The following DYNC1I1 variants were observed in gnomAD, a reference collection of about 807,000 sequenced individuals.
The protein encoded by DYNC1I1 is dynein cytoplasmic 1 intermediate chain 1, also known as cytoplasmic dynein 1 intermediate chain 1.
Under a neutral mutation model 86.6 loss-of-function variants are expected in DYNC1I1, and 43 were observed. That is an observed-to-expected ratio of 0.50 (90% CI 0.39 to 0.64). The LOEUF is 0.64. Among genes scored for constraint, DYNC1I1 ranks in the 30% least tolerant of loss-of-function variants. The probability of loss-of-function intolerance (pLI) is 0.00; values close to 1 mark genes in which losing one functional copy is unlikely to be tolerated. For missense variants in DYNC1I1, 604 were observed against 788.8 expected, an observed-to-expected ratio of 0.77 and a Z score of 2.81; for synonymous variants, 262 against 283.7, an observed-to-expected ratio of 0.92 and a Z score of 0.77.
intron 14 of DYNC1I1, among the ~76,000 whole-genome samples, chr7:96,073,931 C>T (rs1790247511): frequency 6.6e-6 from 1 of 152,028 alleles, no homozygotes; most frequent in Non-Finnish European, 1.5e-5. Flanking sequence ...TAGGTTTTAT[C>T]GAGAAAGTAG....
rs1275893814 is a variant in DYNC1I1 at position 95,850,064 on chromosome 7, A to T, written c.375-19819A>T. ...TTTTTGTATATTGACTTTTCATCCTACAAGTTAACGGCATTTGTTTATTAT... is the reference window on the plus strand; with the variant it reads ...TTTTTGTATATTGACTTTTCATCCTTCAAGTTAACGGCATTTGTTTATTAT... On this transcript the variant is annotated intron_variant, in intron 5 of 16. Coordinates refer to ENST00000447467, the MANE Select transcript of DYNC1I1 (RefSeq NM_001135556.2). Among the ~76,000 whole-genome samples the T allele has an allele frequency of 2.0e-5, 3 of 150,966 alleles. No homozygotes were observed. The East Asian group carries it at 5.8e-4, about 29-fold the overall frequency.
intron 6 of DYNC1I1, among the ~76,000 whole-genome samples, chr7:95,961,613 G>A (rs192563975): frequency 6.6e-6 from 1 of 152,264 alleles, no homozygotes; most frequent in East Asian, 1.9e-4. Context: ...TGTATAGTAG[G>A]AGGTAATATT....
rs565070344 is a variant in DYNC1I1 at position 95,875,163 on chromosome 7, A to G, written c.490+5165A>G. 2.0e-4 allele frequency among the ~76,000 whole-genome samples: 31 copies of G among 152,342 alleles called. 1 individual carries two copies. The highest frequency in any genetic ancestry group is 8.3e-4 in the South Asian group (4 of 4,820). On this transcript the variant is annotated intron_variant, in intron 6 of 16. Coordinates refer to ENST00000447467, the MANE Select transcript of DYNC1I1 (RefSeq NM_001135556.2). ...GCTTCCCATAATGTTTGGGGATGCT[A>G]TGACTCAACTTTGATCTATTTTTAT... is the stretch of plus-strand genomic sequence containing the variant.
intron 14 of DYNC1I1, among the ~76,000 whole-genome samples, chr7:96,075,853 T>A (rs1276553093): frequency 6.6e-6 from 1 of 152,060 alleles, no homozygotes; most frequent in Non-Finnish European, 1.5e-5. Context: ...ACCAGCCCCT[T>A]GAGAGGCCCC....
intron 5 of DYNC1I1, among the ~76,000 whole-genome samples, chr7:95,852,901 T>TTC (rs1789618476): frequency 6.6e-6 from 1 of 152,236 alleles, no homozygotes; most frequent in African/African-American, 2.4e-5. Flanking sequence ...ATTTAATTTC[T>TTC]TCTTTTTTGA....
chr7:95,790,599 AT>A (rs1794274417), intron 1 of DYNC1I1, among the ~76,000 whole-genome samples: 1 of 152,236 alleles, frequency 6.6e-6, no homozygotes, highest in Non-Finnish European at 1.5e-5. Context: ...CTCAGCTGTT[AT>A]ATTCTTTATC....
At chr7:95,782,954 A>G (rs1213117865) in intron 1 of DYNC1I1, among the ~76,000 whole-genome samples, 1 of 151,768 alleles carries the variant, frequency 6.6e-6, no homozygotes, top group Admixed American at 6.6e-5. Flanking sequence ...CCTCTCTGCC[A>G]CTCTGCCACT....
chr7:96,013,195 G>A (rs1794318885), intron 10 of DYNC1I1, among the ~76,000 whole-genome samples: 1 of 152,104 alleles, frequency 6.6e-6, no homozygotes, highest in South Asian at 2.1e-4. Flanking sequence ...GATGATGGAA[G>A]CAGAATCAGA....
chr7:95,813,419 C>T, intron 4 of DYNC1I1, 82 bp downstream of exon 4: 1 of 1,491,786 alleles, frequency 6.7e-7, no homozygotes, highest in Non-Finnish European at 9.0e-7. Context: ...TGTTAGAATA[C>T]TGTGAAATGT....
At chr7:95,897,640 C>T (rs183195996) in intron 6 of DYNC1I1, among the ~76,000 whole-genome samples, 8 of 152,118 alleles carry the variant, frequency 5.3e-5, no homozygotes, top group South Asian at 4.2e-4. Flanking sequence ...TGTATGGTTG[C>T]GACTTAATTG....
rs772547614 is a variant in DYNC1I1, at chr7:96,014,334, T to C, written c.970-13841T>C. ...CAGAACGTGAGTCTCCTGACTCCCT[T>C]TTCGGTTTTTGCCCCTTCTCCCAGC... On this transcript the variant is annotated intron_variant, in intron 10 of 16. Coordinates refer to ENST00000447467, the MANE Select transcript of DYNC1I1 (RefSeq NM_001135556.2). Among the ~76,000 whole-genome samples the C allele has an allele frequency of 2.4e-4, 36 of 152,172 alleles. 1 individual carries two copies. Among genetic ancestry groups the C allele is most frequent in the Middle Eastern group, 3.2e-3 (1 of 316 alleles).
At chr7:96,099,787 G>A (rs1008565155), downstream of DYNC1I1, among the ~76,000 whole-genome samples, 2 of 152,122 alleles carry the variant, frequency 1.3e-5, no homozygotes, top group African/African-American at 2.4e-5. Flanking sequence ...ATGAATTTGG[G>A]AATGAACATA....
chr7:96,022,896 G>GAAA (rs994348325), intron 10 of DYNC1I1, among the ~76,000 whole-genome samples: 2 of 150,908 alleles, frequency 1.3e-5, no homozygotes, highest in Non-Finnish European at 3.0e-5. Flanking sequence ...ATAATATAAA[G>GAAA]AAAAAAAGAC....
intron 4 of DYNC1I1, among the ~76,000 whole-genome samples, chr7:95,814,749 C>T (rs542642970): frequency 6.6e-5 from 10 of 151,812 alleles, no homozygotes; most frequent in East Asian, 1.9e-4. Context: ...ATTTTGTTTT[C>T]GTAGGCCCTT....
chr7:96,071,358 G>A (rs767124941), intron 14 of DYNC1I1, among the ~76,000 whole-genome samples: 23 of 152,136 alleles, frequency 1.5e-4, no homozygotes, highest in Non-Finnish European at 2.9e-4. Context: ...AAGCTAATAG[G>A]AGCCCTTGAG....
intron 14 of DYNC1I1, among the ~76,000 whole-genome samples, chr7:96,061,719 C>T (rs1789782046): frequency 6.7e-6 from 1 of 148,738 alleles, no homozygotes; most frequent in South Asian, 2.1e-4. Context: ...CTCTCACACA[C>T]ACACACACAC....
intron 14 of DYNC1I1, among the ~76,000 whole-genome samples, chr7:96,060,116 T>A (rs1562989332): frequency 6.6e-6 from 1 of 152,154 alleles, no homozygotes; most frequent in Non-Finnish European, 1.5e-5. Context: ...TCACTGAAAC[T>A]AAAGTTCTAT....
chr7:95,780,627 T>C (rs1319173269), intron 1 of DYNC1I1, among the ~76,000 whole-genome samples: 1 of 152,076 alleles, frequency 6.6e-6, no homozygotes, highest in Non-Finnish European at 1.5e-5. Context: ...TGACCTGAAA[T>C]AGTACCCATT....
At chr7:95,873,629 C>T (rs1033876679) in intron 6 of DYNC1I1, among the ~76,000 whole-genome samples, 1 of 152,208 alleles carries the variant, frequency 6.6e-6, no homozygotes. Context: ...AAGATACCAG[C>T]TACAGCTTCC....
Sources: gnomAD v4.1 joint callset for allele counts (sites outside exome capture counted in the v4.1 genomes callset) on GRCh38, gnomAD v4.1.1 for gene constraint, MANE v1.5 for transcripts, NCBI Gene and HGNC (gene_info 2026-07-23, HGNC 2026-07-21) for gene names.